PRRC2C: variants seen among roughly 807,000 people sequenced by gnomAD.
The protein encoded by PRRC2C is protein PRRC2C.
In PRRC2C, 72 loss-of-function variants were observed where a neutral mutation model predicts 317.2. That is an observed-to-expected ratio of 0.23 (90% CI 0.19 to 0.28). The LOEUF (loss-of-function observed/expected upper bound fraction) is 0.28, where lower values mean the gene tolerates loss of function less well. Among genes scored for constraint, PRRC2C ranks in the 10% least tolerant of loss-of-function variants. The probability of loss-of-function intolerance (pLI) is 1.00; values close to 1 mark genes in which losing one functional copy is unlikely to be tolerated. For synonymous variants in PRRC2C, 1,296 were observed against 1,205.9 expected (o/e 1.07, Z -1.55); for missense variants, 3,074 against 3,459.7 (o/e 0.89, Z 2.80).
intron 20 of PRRC2C, among the ~76,000 whole-genome samples, chr1:171,564,115 A>G (rs1439509277): frequency 6.6e-6 from 1 of 152,150 alleles, no homozygotes; most frequent in Non-Finnish European, 1.5e-5. Flanking sequence ...GAAATTTTGT[A>G]TTAGCAAAGT....
At chr1:171,531,746 G>A (rs972460123) in intron 11 of PRRC2C, among the ~76,000 whole-genome samples, 8 of 152,030 alleles carry the variant, frequency 5.3e-5, no homozygotes, top group African/African-American at 1.4e-4. Context: ...CTCCACTCCG[G>A]GTTCTAGATA....
chr1:171,487,669 G>A (rs1258776567), intron 1 of PRRC2C, among the ~76,000 whole-genome samples: 1 of 152,094 alleles, frequency 6.6e-6, no homozygotes, highest in Non-Finnish European at 1.5e-5. Flanking sequence ...ATGATAATAG[G>A]ACTTCCCTCA....
chr1:171,545,473 T>G lies in PRRC2C; in HGVS notation c.4764-6T>G, dbSNP rs777210852. 9 of 1,552,288 alleles carry G rather than the reference T, an allele frequency of 5.8e-6. No individual in the cohort carries two copies. The South Asian group carries it at 9.6e-5, about 17-fold the overall frequency. ...AATAGTAATATCTCAAGTTATTTTT[T>G]TGTAGGCCATTTGATGACCAGCCTG... is the stretch of plus-strand genomic sequence containing the variant. On this transcript the variant is annotated splice_polypyrimidine_tract_variant and splice_region_variant and intron_variant, in intron 16 of 34. Coordinates refer to ENST00000647382, the MANE Select transcript of PRRC2C (RefSeq NM_001387844.1).
At chr1:171,557,201 T>C in intron 18 of PRRC2C, 39 bp from the exon 19 acceptor site, 1 of 1,504,648 alleles carries the variant, frequency 6.6e-7, no homozygotes, top group Non-Finnish European at 8.9e-7. Flanking sequence ...TGCATTCAGC[T>C]GCATTATTGA....
In PRRC2C at chr1:171,566,613, G is replaced by C. The variant is rs1244319467; in HGVS notation, c.6328G>C (p.Glu2110Gln). 1 of 1,590,480 alleles carries C rather than the reference G, an allele frequency of 6.3e-7. No individual in the cohort carries two copies. Among genetic ancestry groups the C allele is most frequent in the East Asian group, 2.3e-5 (1 of 44,188 alleles). Residue 2110 changes from glutamate to glutamine, a missense_variant, in exon 22 of 35, where the codon GAA becomes CAA. Transcript: ENST00000647382. ...TTAGCTTCCAGATTTGAGTCCAGTA[G>C]AAAACAAAGAACACAAACCTGGTCC... ...AQKLPDLSPVENKEHKPGPIG... is the reference protein window; with the variant it reads ...AQKLPDLSPVQNKEHKPGPIG...
chr1:171,571,357 A>G lies in PRRC2C; in HGVS notation c.6689A>G (p.Glu2230Gly). Residue 2230 changes from glutamate to glycine, a missense_variant, in exon 24 of 35, where the codon GAG (glutamate) becomes GGG (glycine). Glu to Gly is a moderately conservative substitution (Grantham distance 98). Transcript: ENST00000647382. ...LPNTLPLPKR[E>G]TIQQSSSLTS... ...AACACCCTTCCCCTCCCTAAGAGGG[A>G]GACTATACAACAGAGCTCCAGCCTA... 6.2e-7 allele frequency: 1 copy of G among 1,612,738 alleles called. No homozygotes were observed. The highest frequency in any genetic ancestry group is 1.1e-5 in the South Asian group (1 of 91,028).
chr1:171,537,117 C>A, intron 14 of PRRC2C, 146 bp from the exon 15 acceptor site: 1 of 613,168 alleles, frequency 1.6e-6, no homozygotes, highest in Non-Finnish European at 2.8e-6. Flanking sequence ...ACATAATTTC[C>A]ACCAATCTTT....
At chr1:171,536,810 TA>T (rs1263668519) in intron 14 of PRRC2C, among the ~76,000 whole-genome samples, 1 of 152,202 alleles carries the variant, frequency 6.6e-6, no homozygotes, top group East Asian at 1.9e-4. Flanking sequence ...TTTTTACATT[TA>T]TACTGGTATT....
At chr1:171,507,068 A>C (rs1289619591) in intron 1 of PRRC2C, among the ~76,000 whole-genome samples, 3 of 151,812 alleles carry the variant, frequency 2.0e-5, no homozygotes, top group Admixed American at 1.3e-4. Flanking sequence ...GTTACTGGGA[A>C]ACTGTTTGAT....
rs562356934 is a variant in PRRC2C at position 171,567,399 on chromosome 1, A to G, written c.6558+556A>G. On this transcript the variant is annotated intron_variant, in intron 22 of 34. Coordinates refer to ENST00000647382, the MANE Select transcript of PRRC2C (RefSeq NM_001387844.1). ...GGAACAGACACTCATGGGAATAGCA[A>G]ACATATCTGCGATTTTATATTGACT... Among the ~76,000 whole-genome samples, 14 of 152,372 alleles carry G rather than the reference A, an allele frequency of 9.2e-5. 1 individual carries two copies. In the South Asian group the frequency reaches 2.1e-3, roughly 23 times the overall value.
chr1:171,544,123 T>TA (rs1678551586), intron 16 of PRRC2C, among the ~76,000 whole-genome samples: 1 of 151,936 alleles, frequency 6.6e-6, no homozygotes, highest in Non-Finnish European at 1.5e-5. Context: ...TTTTTTTTTT[T>TA]ATTGAGGGCG....
intron 6 of PRRC2C, among the ~76,000 whole-genome samples, chr1:171,520,234 A>C (rs1449416548): frequency 6.6e-6 from 1 of 152,236 alleles, no homozygotes; most frequent in Non-Finnish European, 1.5e-5. Context: ...AAGTGCTGGG[A>C]TTACAGGCGT....
rs892468803 is a variant in PRRC2C at position 171,593,340 on chromosome 1, G to A, written c.*1493G>A. On this transcript the variant is annotated 3_prime_UTR_variant, in exon 35 of 35. Transcript: ENST00000647382. ...CTGTCAACTTTGGAAAAAGTATCCC[G>A]GTTTACTGTGTTGAGTTGGCATTGT... 10 of 150,500 alleles carry A rather than the reference G, an allele frequency of 6.6e-5. No individual in the cohort carries two copies. Among genetic ancestry groups the A allele is most frequent in the Non-Finnish European group, 1.2e-4 (8 of 67,770 alleles). 9.3% of individuals were successfully genotyped at this position (150,500 alleles called of 1,614,324 possible). A position where few individuals can be genotyped will look rare whatever the true frequency, so the allele number is the denominator to read the frequency against.
At chr1:171,546,123 C>T (rs1312384413) in intron 17 of PRRC2C, among the ~76,000 whole-genome samples, 1 of 151,942 alleles carries the variant, frequency 6.6e-6, no homozygotes, top group African/African-American at 2.4e-5. Context: ...GTGGCAAATA[C>T]AGAATAAATA....
intron 1 of PRRC2C, among the ~76,000 whole-genome samples, chr1:171,506,187 G>T (rs560103694): frequency 6.6e-6 from 1 of 152,152 alleles, no homozygotes; most frequent in African/African-American, 2.4e-5. Context: ...ATGAGCCACC[G>T]TGCCCAGCCA....
chr1:171,506,520 A>G (rs1461163897), intron 1 of PRRC2C, among the ~76,000 whole-genome samples: 1 of 148,838 alleles, frequency 6.7e-6, no homozygotes, highest in Non-Finnish European at 1.5e-5. Context: ...TTGTTTTTTC[A>G]CTTTCTCAAG....
intron 34 of PRRC2C, 122 bp downstream of exon 34, chr1:171,589,727 A>G (rs927842219): frequency 3.6e-6 from 2 of 555,636 alleles, no homozygotes; most frequent in Non-Finnish European, 5.4e-6. Flanking sequence ...AACCAAGCTA[A>G]CTACTTTTAT....
chr1:171,493,088 G>GAGAAGGAAGGAGAGAA (rs56099715), intron 1 of PRRC2C, among the ~76,000 whole-genome samples: 122,838 of 151,568 alleles, frequency 0.81, 49,871 homozygotes, highest in Middle Eastern at 0.9. Flanking sequence ...AATAAAAGAA[G>GAGAAGGAAGGAGAGAA]AGAAGGAAGG....
chr1:171,537,135 G>GA (rs1676983660), intron 14 of PRRC2C, 128 bp from the exon 15 acceptor site: 3 of 700,956 alleles, frequency 4.3e-6, no homozygotes, highest in Non-Finnish European at 4.6e-6. Flanking sequence ...TTTTACTCAG[G>GA]AAAAAAATGC....
Sources: allele counts gnomAD v4.1 joint callset (sites outside exome capture counted in the v4.1 genomes callset), GRCh38; gene constraint gnomAD v4.1.1; transcripts MANE v1.5; gene names NCBI Gene and HGNC (gene_info 2026-07-23, HGNC 2026-07-21).